C4orf36: variants seen among roughly 807,000 people sequenced by gnomAD.
C4orf36 encodes chromosome 4 open reading frame 36.
In C4orf36, 11 loss-of-function variants were observed where a neutral mutation model predicts 12.2. The observed-to-expected ratio is 0.90, with a 90% CI of 0.57 to 1.49. The LOEUF (loss-of-function observed/expected upper bound fraction) is 1.49, where lower values mean the gene tolerates loss of function less well. Among genes scored for constraint, C4orf36 ranks in the 40% most tolerant of loss-of-function variants. C4orf36 has a pLI of 0.00. For missense variants in C4orf36, 137 were observed against 133.9 expected (o/e 1.02, Z -0.11); for synonymous variants, 54 against 51.3 (o/e 1.05, Z -0.22).
intron 2 of C4orf36, among the ~76,000 whole-genome samples, chr4:86,890,903 A>C (rs1188605345): frequency 6.6e-6 from 1 of 152,208 alleles, no homozygotes; most frequent in Non-Finnish European, 1.5e-5. Context: ...CAAGGTACGA[A>C]GAAGATGGCC....
the C4orf36 span, among the ~76,000 whole-genome samples, chr4:86,917,391 A>C: frequency 6.8e-6 from 1 of 146,778 alleles, no homozygotes; most frequent in Non-Finnish European, 1.5e-5. Flanking sequence ...AAAGGAAGGA[A>C]GGAAGGAGAG....
chr4:86,898,667 T>C, the C4orf36 span, among the ~76,000 whole-genome samples: 5 of 152,178 alleles, frequency 3.3e-5, no homozygotes, highest in East Asian at 9.7e-4. Flanking sequence ...TTTTAAAATA[T>C]ATTATAAATG....
In C4orf36 at chr4:86,891,891, G is replaced by A. The variant is rs1747430557; in HGVS notation, c.-74+292C>T. On this transcript the variant is annotated intron_variant, in intron 1 of 4. Transcript: ENST00000295898. ...CTCCAACACCGCTGCGCCAAAATGT[G>A]TCTGATCGTGGCAGTGCTGAGCGAC... Among the ~76,000 whole-genome samples, 3 of 152,250 alleles carry A rather than the reference G, an allele frequency of 2.0e-5. No homozygotes were observed. The South Asian group carries it at 6.2e-4, about 32-fold the overall frequency.
intron 4 of C4orf36, among the ~76,000 whole-genome samples, chr4:86,878,317 A>G (rs1276673092): frequency 2.6e-5 from 4 of 152,136 alleles, no homozygotes; most frequent in African/African-American, 4.8e-5. Context: ...CTGACTCGAT[A>G]TTGGAATGCA....
the C4orf36 span, among the ~76,000 whole-genome samples, chr4:86,919,812 T>G: frequency 2.6e-5 from 4 of 151,874 alleles, no homozygotes; most frequent in South Asian, 2.1e-4. Flanking sequence ...AGGCAGGGAG[T>G]TCAGTTGAGC....
chr4:86,891,036 T>G (rs958715324), intron 2 of C4orf36, among the ~76,000 whole-genome samples: 3 of 152,136 alleles, frequency 2.0e-5, no homozygotes. Flanking sequence ...TACCAGCTAA[T>G]TAGGTGCTCT....
At chr4:86,930,399 A>G in the C4orf36 span, among the ~76,000 whole-genome samples, 2 of 152,262 alleles carry the variant, frequency 1.3e-5, no homozygotes, top group South Asian at 4.1e-4. Context: ...CTGAGTTCAA[A>G]TTCTACTTCT....
chr4:86,910,993 G>A, the C4orf36 span, among the ~76,000 whole-genome samples: 2 of 152,200 alleles, frequency 1.3e-5, no homozygotes, highest in Admixed American at 1.3e-4. Context: ...TGAGGCAGGA[G>A]GATTGCTTGA....
At chr4:86,914,391 C>CTTTTTTTTT in the C4orf36 span, 4 of 327,788 alleles carry the variant, frequency 1.2e-5, no homozygotes, top group African/African-American at 4.0e-5. Flanking sequence ...CTTCTTCTTC[C>CTTTTTTTTT]TTTTTTTTTT....
At chr4:86,930,489 A>T in the C4orf36 span, among the ~76,000 whole-genome samples, 9 of 152,398 alleles carry the variant, frequency 5.9e-5, no homozygotes, top group East Asian at 1.7e-3. Context: ...TGAACTAGAC[A>T]ATATACCCAC....
chr4:86,891,551 T>A lies in C4orf36; in HGVS notation c.-31A>T. On this transcript the variant is annotated 5_prime_UTR_variant, in exon 2 of 5. It removes an upstream start codon present in the reference 5' UTR. Coordinates refer to ENST00000295898, the MANE Select transcript of C4orf36 (RefSeq NM_144645.4). ...GTTATTACGGTATGATTTCGTTACA[T>A]AGGTGCCTGATGGAATGTCACAGAT... The A allele has an allele frequency of 6.2e-7, 1 of 1,613,936 alleles. No individual in the cohort carries two copies. Among genetic ancestry groups the A allele is most frequent in the Non-Finnish European group, 8.5e-7 (1 of 1,179,954 alleles).
At chr4:86,878,304 C>G (rs191813199) in intron 4 of C4orf36, among the ~76,000 whole-genome samples, 13 of 152,256 alleles carry the variant, frequency 8.5e-5, no homozygotes, top group African/African-American at 3.1e-4. Context: ...CTCATTTATG[C>G]TACTGACTCG....
chr4:86,907,441 CA>C, the C4orf36 span, among the ~76,000 whole-genome samples: 1 of 152,056 alleles, frequency 6.6e-6, no homozygotes, highest in African/African-American at 2.4e-5. Context: ...ATCTGTGTAC[CA>C]AACCCCCATG....
At chr4:86,904,609 G>A in the C4orf36 span, among the ~76,000 whole-genome samples, 1 of 140,458 alleles carries the variant, frequency 7.1e-6, no homozygotes, top group African/African-American at 2.6e-5. Flanking sequence ...AAAAAAAGTT[G>A]TAAGCTGGCA....
chr4:86,895,831 G>A (rs771069062), upstream of C4orf36, among the ~76,000 whole-genome samples: 7 of 151,384 alleles, frequency 4.6e-5, no homozygotes, highest in Non-Finnish European at 7.4e-5. Flanking sequence ...CTTTGCTGGC[G>A]TCCTACACAC....
At chr4:86,891,843 C>A (rs962127818) in intron 1 of C4orf36, among the ~76,000 whole-genome samples, 9 of 152,182 alleles carry the variant, frequency 5.9e-5, no homozygotes, top group Admixed American at 5.2e-4. Flanking sequence ...ACTCTCTGCC[C>A]TTGCCTGAGC....
At chr4:86,913,772 C>G in the C4orf36 span, 1 of 1,390,478 alleles carries the variant, frequency 7.2e-7, no homozygotes, top group South Asian at 1.2e-5. Context: ...CTGACATCAG[C>G]TGCCCAAAGG....
the C4orf36 span, among the ~76,000 whole-genome samples, chr4:86,912,882 C>T: frequency 2.0e-5 from 3 of 151,442 alleles, no homozygotes; most frequent in Non-Finnish European, 4.4e-5. Flanking sequence ...CTAATCCATC[C>T]ACAAGGTTCA....
chr4:86,905,438 A>C, the C4orf36 span, among the ~76,000 whole-genome samples: 1 of 152,126 alleles, frequency 6.6e-6, no homozygotes, highest in African/African-American at 2.4e-5. Flanking sequence ...CTGTAGTCCC[A>C]GGTACTTGGG....
Sources: allele counts gnomAD v4.1 joint callset (sites outside exome capture counted in the v4.1 genomes callset), GRCh38; gene constraint gnomAD v4.1.1; transcripts MANE v1.5; gene names NCBI Gene and HGNC (gene_info 2026-07-23, HGNC 2026-07-21).